HORMAD2: variants seen among roughly 807,000 people sequenced by gnomAD.
The protein encoded by HORMAD2 is HORMA domain-containing protein 2.
A neutral mutation model predicts 38.8 loss-of-function variants in HORMAD2; 45 were observed. The observed-to-expected ratio is 1.16, with a 90% CI of 0.91 to 1.49. HORMAD2 has a LOEUF of 1.49. Among genes scored for constraint, HORMAD2 ranks in the 40% most tolerant of loss-of-function variants. The probability of loss-of-function intolerance (pLI) is 0.00; values close to 1 mark genes in which losing one functional copy is unlikely to be tolerated. For missense variants in HORMAD2, 338 were observed against 367.0 expected, an observed-to-expected ratio of 0.92 and a Z score of 0.65; for synonymous variants, 126 against 122.8, an observed-to-expected ratio of 1.03 and a Z score of -0.17.
chr22:30,079,967 C>A (rs2068438124), upstream of HORMAD2, among the ~76,000 whole-genome samples: 1 of 152,202 alleles, frequency 6.6e-6, no homozygotes, highest in Non-Finnish European at 1.5e-5. Flanking sequence ...GGTGGAGCCA[C>A]CGCGCCGCAC....
At chr22:30,193,651 A>G in the HORMAD2 span, among the ~76,000 whole-genome samples, 1 of 152,126 alleles carries the variant, frequency 6.6e-6, no homozygotes, top group Non-Finnish European at 1.5e-5. Flanking sequence ...TCTGAAAGGA[A>G]CTTGATGTGT....
chr22:30,119,407 G>A (rs1054551634), intron 8 of HORMAD2, among the ~76,000 whole-genome samples: 3 of 152,140 alleles, frequency 2.0e-5, no homozygotes, highest in African/African-American at 7.2e-5. Flanking sequence ...CCTGTGCCTA[G>A]GGTAGATAAT....
chr22:30,104,400 G>A lies in HORMAD2; in HGVS notation c.258-1G>A. The A allele has an allele frequency of 6.2e-7, 1 of 1,609,666 alleles. No homozygotes were observed. The highest frequency in any genetic ancestry group is 8.5e-7 in the Non-Finnish European group (1 of 1,177,884). Reference sequence around the variant, plus strand: ...GACATCAAACATTTATTTCTTGACAGGATTCAAGGTTGTTTTGATGCTTTG... The same window carrying A: ...GACATCAAACATTTATTTCTTGACAAGATTCAAGGTTGTTTTGATGCTTTG... On this transcript the variant is annotated splice_acceptor_variant, in intron 4 of 10. Coordinates refer to ENST00000336726, the MANE Select transcript of HORMAD2 (RefSeq NM_152510.4). LOFTEE classifies it high-confidence loss of function.
At chr22:30,148,532 A>C (rs1280813264) in intron 10 of HORMAD2, among the ~76,000 whole-genome samples, 1 of 152,182 alleles carries the variant, frequency 6.6e-6, no homozygotes, top group East Asian at 1.9e-4. Context: ...ATTCTGTTTC[A>C]TGTAAAGTTT....
chr22:30,124,438 A>G (rs1423500183), intron 10 of HORMAD2, among the ~76,000 whole-genome samples: 1 of 152,256 alleles, frequency 6.6e-6, no homozygotes, highest in Non-Finnish European at 1.5e-5. Flanking sequence ...GCTAAGATGT[A>G]GAACATTGCT....
chr22:30,114,586 A>G (rs1371961827), intron 7 of HORMAD2, among the ~76,000 whole-genome samples: 1 of 152,240 alleles, frequency 6.6e-6, no homozygotes, highest in Non-Finnish European at 1.5e-5. Flanking sequence ...CTTGAGTTAT[A>G]TGCCTGGAAG....
chr22:30,188,382 T>A, the HORMAD2 span, among the ~76,000 whole-genome samples: 1 of 149,148 alleles, frequency 6.7e-6, no homozygotes, highest in Non-Finnish European at 1.5e-5. Context: ...AGTCAAAGAA[T>A]AATCCCCATC....
chr22:30,156,633 C>T (rs1469905520), intron 10 of HORMAD2, among the ~76,000 whole-genome samples: 7 of 152,156 alleles, frequency 4.6e-5, no homozygotes, highest in Non-Finnish European at 4.4e-5. Flanking sequence ...TCTTTTAAAA[C>T]TGAGAAATGA....
intron 10 of HORMAD2, among the ~76,000 whole-genome samples, chr22:30,169,352 A>C (rs191266549): frequency 9.8e-4 from 149 of 152,222 alleles, no homozygotes; most frequent in African/African-American, 1.7e-3. Context: ...GAAGGTGCCC[A>C]AAAAAAATTT....
At chr22:30,159,056 C>T (rs964994962) in intron 10 of HORMAD2, among the ~76,000 whole-genome samples, 2 of 152,126 alleles carry the variant, frequency 1.3e-5, no homozygotes, top group Admixed American at 1.3e-4. Context: ...ATATGAACTA[C>T]TGTCATGTTT....
intron 5 of HORMAD2, among the ~76,000 whole-genome samples, chr22:30,110,305 G>T (rs541869597): frequency 6.6e-6 from 1 of 150,830 alleles, no homozygotes; most frequent in Non-Finnish European, 1.5e-5. Context: ...AAAAATTATA[G>T]GAAAGAATCA....
rs1275271270 is a variant in HORMAD2, at chr22:30,122,005, G to T, written c.610G>T (p.Val204Leu). ...CCAACCCCTCGGTTTTAAAGAAGGG[G>T]TAAATTCACACTTCCTGCTGTTTGA... ...DYQPLGFKEG[V>L]NSHFLLFDKE... is the part of the protein sequence containing the mutation. The change falls in exon 10 of 11, where the codon GTA (valine) becomes TTA (leucine). Residue 204 changes from valine (V) to leucine (L), a missense_variant. By Grantham distance (32) the Val-to-Leu change is conservative. Coordinates refer to ENST00000336726, the MANE Select transcript of HORMAD2 (RefSeq NM_152510.4). 6 of 1,612,428 alleles carry T rather than the reference G, an allele frequency of 3.7e-6. No individual in the cohort carries two copies. The highest frequency in any genetic ancestry group is 5.1e-6 in the Non-Finnish European group (6 of 1,179,236).
chr22:30,168,529 A>G (rs1294194935), intron 10 of HORMAD2, among the ~76,000 whole-genome samples: 3 of 151,978 alleles, frequency 2.0e-5, no homozygotes, highest in African/African-American at 4.8e-5. Flanking sequence ...TTCTTCATCC[A>G]TCCTCCCTAC....
At chr22:30,087,494 GAA>G (rs1200112668) in intron 1 of HORMAD2, among the ~76,000 whole-genome samples, 2 of 152,094 alleles carry the variant, frequency 1.3e-5, no homozygotes, top group Non-Finnish European at 2.9e-5. Context: ...AAGTAAAAAA[GAA>G]GAGCTCTGTT....
chr22:30,114,016 A>G (rs1921857780), intron 7 of HORMAD2, among the ~76,000 whole-genome samples: 1 of 152,186 alleles, frequency 6.6e-6, no homozygotes, highest in Non-Finnish European at 1.5e-5. Flanking sequence ...TTAGTGTAGT[A>G]TTTATCATGT....
At chr22:30,100,718 G>A (rs921164631) in intron 3 of HORMAD2, among the ~76,000 whole-genome samples, 3 of 152,164 alleles carry the variant, frequency 2.0e-5, no homozygotes, top group Admixed American at 2.0e-4. Context: ...GAATCTACAA[G>A]GAACTTAAAA....
intron 10 of HORMAD2, among the ~76,000 whole-genome samples, chr22:30,173,600 G>A (rs1926251974): frequency 6.6e-6 from 1 of 152,200 alleles, no homozygotes; most frequent in South Asian, 2.1e-4. Context: ...TGGGCAGACT[G>A]CACTTGAGTT....
chr22:30,155,141 A>T (rs975236079), intron 10 of HORMAD2, among the ~76,000 whole-genome samples: 2 of 151,316 alleles, frequency 1.3e-5, no homozygotes, highest in Non-Finnish European at 2.9e-5. Context: ...AGTAATCTTT[A>T]CTTCCTTCAG....
At chr22:30,195,831 C>T in the HORMAD2 span, among the ~76,000 whole-genome samples, 1 of 152,164 alleles carries the variant, frequency 6.6e-6, no homozygotes, top group African/African-American at 2.4e-5. Context: ...AATATAAAGG[C>T]TCACATTGGC....
Sources: gnomAD v4.1 joint callset for allele counts (sites outside exome capture counted in the v4.1 genomes callset) on GRCh38, gnomAD v4.1.1 for gene constraint, MANE v1.5 for transcripts, NCBI Gene and HGNC (gene_info 2026-07-23, HGNC 2026-07-21) for gene names.